AGBL1: variants seen among roughly 807,000 people sequenced by gnomAD.
AGBL1 encodes the protein AGBL carboxypeptidase 1, also known as cytosolic carboxypeptidase 4.
A neutral mutation model predicts 118.9 loss-of-function variants in AGBL1; 130 were observed. The observed-to-expected ratio is 1.09, with a 90% CI of 0.95 to 1.26. The LOEUF (loss-of-function observed/expected upper bound fraction) is 1.26, where lower values mean the gene tolerates loss of function less well. Ranked by LOEUF, AGBL1 falls within the 50% of genes most tolerant of loss-of-function variation. The pLI, the probability that AGBL1 is intolerant of heterozygous loss-of-function variation, is 0.00. For synonymous variants in AGBL1, 555 were observed against 478.9 expected (o/e 1.16, Z -2.08); for missense variants, 1,584 against 1,298.1 (o/e 1.22, Z -3.38).
chr15:86,647,773 T>C (rs1235913798), intron 21 of AGBL1, among the ~76,000 whole-genome samples: 1 of 152,136 alleles, frequency 6.6e-6, no homozygotes, highest in African/African-American at 2.4e-5. Context: ...TATAGATTAC[T>C]AGAAGGTGAT....
intron 1 of AGBL1, among the ~76,000 whole-genome samples, chr15:86,081,753 A>G (rs903332632): frequency 3.9e-5 from 6 of 152,194 alleles, no homozygotes; most frequent in Non-Finnish European, 5.9e-5. Context: ...AAAATATCTC[A>G]TGGACAGAAT....
intron 21 of AGBL1, among the ~76,000 whole-genome samples, chr15:86,651,057 C>A (rs1013364543): frequency 2.0e-5 from 3 of 152,194 alleles, no homozygotes; most frequent in Non-Finnish European, 2.9e-5. Context: ...CTTTAAGACA[C>A]CCTTTCCTAT....
chr15:86,217,490 A>G (rs2078208573), intron 5 of AGBL1, among the ~76,000 whole-genome samples: 2 of 152,210 alleles, frequency 1.3e-5, no homozygotes, highest in South Asian at 2.1e-4. Flanking sequence ...CAATCACACA[A>G]CTGAGTGAAT....
chr15:86,689,632 T>G (rs2086127270), intron 22 of AGBL1, among the ~76,000 whole-genome samples: 1 of 152,094 alleles, frequency 6.6e-6, no homozygotes, highest in African/African-American at 2.4e-5. Context: ...TAATTAACCT[T>G]GATGGGGATT....
chr15:86,963,542 G>T (rs1310048567), intron 23 of AGBL1, among the ~76,000 whole-genome samples: 1 of 151,916 alleles, frequency 6.6e-6, no homozygotes, highest in Non-Finnish European at 1.5e-5. Flanking sequence ...ATATTACAAA[G>T]TTATAGCAAG....
At chr15:86,335,480 G>A (rs2080352034) in intron 17 of AGBL1, among the ~76,000 whole-genome samples, 1 of 152,176 alleles carries the variant, frequency 6.6e-6, no homozygotes, top group South Asian at 2.1e-4. Context: ...AGCATAGAGA[G>A]TAGGAAGAAG....
chr15:86,969,574 T>C (rs1206294952), intron 23 of AGBL1, among the ~76,000 whole-genome samples: 1 of 152,052 alleles, frequency 6.6e-6, no homozygotes, highest in Non-Finnish European at 1.5e-5. Context: ...TGCACAAGCA[T>C]ATGCATTTGT....
At chr15:86,824,747 A>C (rs1165452598) in intron 22 of AGBL1, among the ~76,000 whole-genome samples, 1 of 152,148 alleles carries the variant, frequency 6.6e-6, no homozygotes, top group Admixed American at 6.6e-5. Context: ...CATATAGATC[A>C]ATAGAACAGA....
chr15:86,294,100 A>G (rs1286910874), intron 16 of AGBL1, among the ~76,000 whole-genome samples: 1 of 152,014 alleles, frequency 6.6e-6, no homozygotes, highest in Admixed American at 6.6e-5. Context: ...GGAATTCTTA[A>G]AGATTGTTAA....
intron 19 of AGBL1, among the ~76,000 whole-genome samples, chr15:86,527,580 A>G (rs2083283667): frequency 6.6e-6 from 1 of 152,172 alleles, no homozygotes; most frequent in Admixed American, 6.5e-5. Flanking sequence ...CTCAGCACTC[A>G]GGCCTATCCT....
chr15:86,371,634 C>T (rs1301826110), intron 17 of AGBL1, among the ~76,000 whole-genome samples: 5 of 152,034 alleles, frequency 3.3e-5, no homozygotes, highest in African/African-American at 9.7e-5. Flanking sequence ...TACCTCACCC[C>T]GGCTGAGAAT....
chr15:86,948,952 C>G (rs2080852263), intron 23 of AGBL1, among the ~76,000 whole-genome samples: 1 of 152,286 alleles, frequency 6.6e-6, no homozygotes, highest in Middle Eastern at 3.4e-3. Context: ...GATGTAACAT[C>G]TCTAACTGCT....
At chr15:86,217,388 A>G (rs1437506845) in intron 5 of AGBL1, among the ~76,000 whole-genome samples, 5 of 152,212 alleles carry the variant, frequency 3.3e-5, no homozygotes. Flanking sequence ...TTCAAATAAG[A>G]CTAAGTGGTA....
At chr15:86,320,002 C>T (rs1207472252) in intron 17 of AGBL1, among the ~76,000 whole-genome samples, 1 of 152,074 alleles carries the variant, frequency 6.6e-6, no homozygotes, top group Non-Finnish European at 1.5e-5. Context: ...GGTGATCCGC[C>T]TGCCTTGGCC....
At chr15:86,770,406 C>A (rs2078160415) in intron 22 of AGBL1, among the ~76,000 whole-genome samples, 1 of 151,898 alleles carries the variant, frequency 6.6e-6, no homozygotes, top group East Asian at 1.9e-4. Context: ...CTAAGAACAT[C>A]TACTGTGTAG....
intron 22 of AGBL1, among the ~76,000 whole-genome samples, chr15:86,789,166 CATG>C (rs1209279151): frequency 7.2e-5 from 11 of 152,366 alleles, no homozygotes; most frequent in African/African-American, 2.6e-4. Flanking sequence ...TGCAATGTTT[CATG>C]ATGTCTGGGC....
chr15:86,878,824 C>T (rs1029366642), intron 22 of AGBL1, among the ~76,000 whole-genome samples: 1 of 152,226 alleles, frequency 6.6e-6, no homozygotes, highest in African/African-American at 2.4e-5. Flanking sequence ...CCATAACCTC[C>T]ACAGCAGCTG....
chr15:86,868,232 T>C (rs2079662736), intron 22 of AGBL1, among the ~76,000 whole-genome samples: 1 of 152,154 alleles, frequency 6.6e-6, no homozygotes, highest in Non-Finnish European at 1.5e-5. Context: ...AGAGTGAAGA[T>C]GATTTGGTTT....
At chr15:86,465,020 C>T (rs2082385225) in intron 18 of AGBL1, among the ~76,000 whole-genome samples, 1 of 151,996 alleles carries the variant, frequency 6.6e-6, no homozygotes, top group Admixed American at 6.6e-5. Flanking sequence ...TTCCATTCTC[C>T]TTGTCACTTT....
Sources: allele counts gnomAD v4.1 joint callset (sites outside exome capture counted in the v4.1 genomes callset), GRCh38; gene constraint gnomAD v4.1.1; transcripts MANE v1.5; gene names NCBI Gene and HGNC (gene_info 2026-07-23, HGNC 2026-07-21).